ITGAE: variants seen among roughly 807,000 people sequenced by gnomAD.
ITGAE encodes integrin alpha-E.
A neutral mutation model predicts 136.5 loss-of-function variants in ITGAE; 99 were observed. The ratio of observed to expected loss-of-function variants is 0.73; its 90% CI spans 0.62 to 0.86. The LOEUF is 0.86. Among genes scored for constraint, ITGAE ranks in the 40% least tolerant of loss-of-function variants. ITGAE has a pLI of 0.00. For missense variants in ITGAE, 1,447 were observed against 1,515.3 expected (o/e 0.95, Z 0.75); for synonymous variants, 613 against 591.8 (o/e 1.04, Z -0.52).
chr17:3,724,472 C>T, intron 26 of ITGAE: 1 of 1,613,906 alleles, frequency 6.2e-7, no homozygotes, highest in South Asian at 1.1e-5. Flanking sequence ...GCCCCGGGTC[C>T]CCAACGCCAA....
chr17:3,796,043 G>GTT (rs1398990480), intron 1 of ITGAE, among the ~76,000 whole-genome samples: 2 of 72,456 alleles, frequency 2.8e-5, no homozygotes, highest in Non-Finnish European at 6.5e-5. Context: ...GTGCATCCGT[G>GTT]TGTGCATCTG....
chr17:3,726,108 A>G, intron 26 of ITGAE: 1 of 1,613,800 alleles, frequency 6.2e-7, no homozygotes, highest in Non-Finnish European at 8.5e-7. Flanking sequence ...CTACAGGCTC[A>G]TGAAGAAGGA....
At chr17:3,727,390 G>T (rs566321798) in intron 26 of ITGAE, among the ~76,000 whole-genome samples, 3 of 146,710 alleles carry the variant, frequency 2.0e-5, no homozygotes, top group African/African-American at 7.9e-5. Flanking sequence ...TACTGACAAG[G>T]TTTTAATTTT....
At chr17:3,787,559 G>A (rs1181732626) in intron 1 of ITGAE, among the ~76,000 whole-genome samples, 4 of 152,104 alleles carry the variant, frequency 2.6e-5, no homozygotes, top group Non-Finnish European at 4.4e-5. Context: ...TGTCTGGCCT[G>A]CTATGAGTGT....
chr17:3,746,976 T>C (rs1193465982), intron 17 of ITGAE, among the ~76,000 whole-genome samples: 2 of 152,220 alleles, frequency 1.3e-5, no homozygotes, highest in Non-Finnish European at 2.9e-5. Flanking sequence ...TCTCTGACTG[T>C]GGGAGGCAGA....
chr17:3,717,516 G>A (rs1391221725), intron 29 of ITGAE: 1 of 152,156 alleles, frequency 6.6e-6, no homozygotes, highest in Non-Finnish European at 1.5e-5. Flanking sequence ...TGTCCTTCCT[G>A]AGACCCAGGT....
intron 1 of ITGAE, among the ~76,000 whole-genome samples, chr17:3,786,434 A>G (rs958772451): frequency 3.3e-5 from 5 of 152,296 alleles, no homozygotes; most frequent in Non-Finnish European, 4.4e-5. Flanking sequence ...GAGAATAGAA[A>G]ATGAGAAAAC....
chr17:3,738,035 T>C (rs1397137216), intron 20 of ITGAE, among the ~76,000 whole-genome samples: 1 of 152,190 alleles, frequency 6.6e-6, no homozygotes, highest in East Asian at 1.9e-4. Context: ...GTCCTGCAAA[T>C]GTCTATGAAA....
intron 30 of ITGAE, among the ~76,000 whole-genome samples, chr17:3,715,976 G>A (rs1040165724): frequency 6.6e-6 from 1 of 152,054 alleles, no homozygotes; most frequent in African/African-American, 2.4e-5. Flanking sequence ...CCAATATGGT[G>A]AAACCCCGTC....
At chr17:3,716,906 TA>T in intron 29 of ITGAE, 108 bp from the exon 30 acceptor site, 1 of 661,414 alleles carries the variant, frequency 1.5e-6, no homozygotes, top group South Asian at 1.8e-5. Flanking sequence ...ACAACCCGTG[TA>T]TTGATCAAAG....
intron 17 of ITGAE, among the ~76,000 whole-genome samples, chr17:3,746,525 GGCTCACTGCAA>G (rs1314242920): frequency 4.0e-5 from 6 of 150,886 alleles, no homozygotes; most frequent in Non-Finnish European, 7.4e-5. Flanking sequence ...GCGCGATCTT[GGCTCACTGCAA>G]GCTCCGCCTC....
At chr17:3,772,143 G>A (rs904303610) in intron 2 of ITGAE, among the ~76,000 whole-genome samples, 3 of 152,050 alleles carry the variant, frequency 2.0e-5, no homozygotes, top group South Asian at 4.2e-4. Flanking sequence ...TCCCCTTCCC[G>A]TTCCTTCTCA....
At chr17:3,756,957 C>T (rs759176487) in intron 10 of ITGAE, 27 bp downstream of exon 10, 10 of 1,594,780 alleles carry the variant, frequency 6.3e-6, no homozygotes, top group African/African-American at 2.7e-5. Context: ...GGGCCTCCTG[C>T]GGTGGCCTGG....
At position 3,731,166 on chromosome 17, in the gene ITGAE, A is replaced by G; in HGVS notation, c.2772T>C (p.Val924=). ...GAAAGGCATTCTCCTCTAGCTGCCA[A>G]ACGACTGAAACATGAGCCTATTTTA... ...LKRSSAHVSV[V]WQLEENAFPN... Residue 924 remains valine, a synonymous_variant, in exon 23 of 31, where the codon GTT becomes GTC. Transcript: ENST00000263087. The G allele has an allele frequency of 6.2e-7, 1 of 1,613,714 alleles. No homozygotes were observed. The highest frequency in any genetic ancestry group is 1.1e-5 in the South Asian group (1 of 91,070).
In ITGAE at chr17:3,743,588, G is replaced by A. The variant is rs751981420; in HGVS notation, c.2349C>T (p.Ala783=). ...ELCEEDCFSN[A]SVKVSYQLQT... ...GGAGCTGGTAGCTGACTTTGACACT[G>A]GCATTGGAGAAGCAGTCCTCCTCAC... Residue 783 remains alanine (A), a synonymous_variant, in exon 19 of 31, where the codon GCC becomes GCT. Transcript: ENST00000263087. 4 of 1,613,450 alleles carry A rather than the reference G, an allele frequency of 2.5e-6. No individual in the cohort carries two copies. Among genetic ancestry groups the A allele is most frequent in the Non-Finnish European group, 3.4e-6 (4 of 1,179,766 alleles).
intron 20 of ITGAE, among the ~76,000 whole-genome samples, chr17:3,737,324 T>C (rs188034825): frequency 6.6e-6 from 1 of 151,006 alleles, no homozygotes; most frequent in African/African-American, 2.4e-5. Flanking sequence ...AAGACAACAG[T>C]AGTGGAGAAG....
chr17:3,756,654 C>T (rs1225514680), intron 10 of ITGAE, among the ~76,000 whole-genome samples: 1 of 152,186 alleles, frequency 6.6e-6, no homozygotes, highest in Non-Finnish European at 1.5e-5. Flanking sequence ...ATCCACCGGC[C>T]TTGGCCTCCC....
At chr17:3,724,211 C>T (rs763006106) in intron 26 of ITGAE, 5 of 1,593,266 alleles carry the variant, frequency 3.1e-6, no homozygotes, top group Non-Finnish European at 4.2e-6. Context: ...AGGACCGGCC[C>T]AGCCTGACCG....
At chr17:3,759,606 C>T (rs1597341572) in intron 7 of ITGAE, 53 bp from the exon 8 acceptor site, 3 of 1,579,444 alleles carry the variant, frequency 1.9e-6, no homozygotes, top group East Asian at 4.5e-5. Context: ...CACCTCTGCC[C>T]CTGAAATGTC....
Sources: allele counts gnomAD v4.1 joint callset (sites outside exome capture counted in the v4.1 genomes callset), GRCh38; gene constraint gnomAD v4.1.1; transcripts MANE v1.5; gene names NCBI Gene and HGNC (gene_info 2026-07-23, HGNC 2026-07-21).